Variants in UBE2E2 observed in about 807,000 individuals in gnomAD.
UBE2E2 encodes ubiquitin-conjugating enzyme E2 E2.
UBE2E2 carries 6 observed loss-of-function variants against 24.7 expected under a neutral mutation model. The ratio of observed to expected loss-of-function variants is 0.24; its 90% CI spans 0.13 to 0.48. UBE2E2 has a LOEUF of 0.48. Ranked by LOEUF, UBE2E2 falls within the 20% of genes least tolerant of loss-of-function variation. The probability of loss-of-function intolerance (pLI) is 0.99; values close to 1 mark genes in which losing one functional copy is unlikely to be tolerated. For missense variants in UBE2E2, 169 were observed against 245.0 expected (o/e 0.69, Z 2.07); for synonymous variants, 104 against 83.6 (o/e 1.24, Z -1.33).
intron 5 of UBE2E2, among the ~76,000 whole-genome samples, chr3:23,534,629 A>G (rs1282859695): frequency 1.3e-5 from 2 of 152,174 alleles, no homozygotes; most frequent in Non-Finnish European, 2.9e-5. Flanking sequence ...AATCTTAAAT[A>G]GAGTTGTTTA....
chr3:23,581,463 A>G (rs949432004), intron 5 of UBE2E2, among the ~76,000 whole-genome samples: 2 of 152,210 alleles, frequency 1.3e-5, no homozygotes, highest in African/African-American at 4.8e-5. Context: ...TATATTCTTA[A>G]AAGATGCACA....
intron 3 of UBE2E2, among the ~76,000 whole-genome samples, chr3:23,254,267 A>G (rs1697655431): frequency 6.6e-6 from 1 of 152,236 alleles, no homozygotes; most frequent in African/African-American, 2.4e-5. Flanking sequence ...ATCACACTTT[A>G]TTAAATATGC....
chr3:23,257,779 T>C (rs187222669), intron 3 of UBE2E2, among the ~76,000 whole-genome samples: 22 of 152,134 alleles, frequency 1.4e-4, no homozygotes, highest in Admixed American at 3.9e-4. Flanking sequence ...AAAATAGTAT[T>C]TTGTGGGAAA....
Position 23,489,028 on chromosome 3 carries a change from G to GT in UBE2E2, c.228-10573dup, listed in dbSNP as rs551912988. ...GTTTATCATAATGGTTACCTTTCTGGTTTTTTTACTTCAGTCTTCGTATCT... is the reference window on the plus strand; with the variant it reads ...GTTTATCATAATGGTTACCTTTCTGGTTTTTTTTACTTCAGTCTTCGTATCT... On this transcript the variant is annotated intron_variant, in intron 3 of 5. Transcript: ENST00000396703. Among the ~76,000 whole-genome samples the GT allele has an allele frequency of 5.9e-5, 9 of 152,130 alleles. No individual in the cohort carries two copies. The East Asian group carries it at 1.2e-3, about 20-fold the overall frequency.
intron 5 of UBE2E2, among the ~76,000 whole-genome samples, chr3:23,580,395 C>T (rs1315811793): frequency 6.6e-6 from 1 of 152,220 alleles, no homozygotes; most frequent in Non-Finnish European, 1.5e-5. Context: ...AGGCAAGATC[C>T]TCCAACAGTA....
intron 3 of UBE2E2, among the ~76,000 whole-genome samples, chr3:23,383,667 G>A (rs1559368134): frequency 6.6e-6 from 1 of 151,846 alleles, no homozygotes; most frequent in Non-Finnish European, 1.5e-5. Flanking sequence ...CAAGTGTTGG[G>A]GTGTAACTTG....
chr3:23,231,566 G>A (rs956645248), intron 3 of UBE2E2, among the ~76,000 whole-genome samples: 2 of 152,154 alleles, frequency 1.3e-5, no homozygotes, highest in East Asian at 1.9e-4. Context: ...AAATCATCAA[G>A]CAATTGAATC....
chr3:23,464,918 T>C (rs7645478), intron 3 of UBE2E2, among the ~76,000 whole-genome samples: 1,953 of 152,330 alleles, frequency 0.013, 31 homozygotes, highest in African/African-American at 0.044. Context: ...AAATTAGCAA[T>C]GTAGAAGACT....
intron 3 of UBE2E2, among the ~76,000 whole-genome samples, chr3:23,355,638 C>A (rs746545016): frequency 2.0e-5 from 3 of 152,038 alleles, no homozygotes; most frequent in African/African-American, 7.2e-5. Context: ...TTGTTTCATG[C>A]CCTGGATTGT....
At chr3:23,531,388 A>G (rs1296940179) in intron 4 of UBE2E2, among the ~76,000 whole-genome samples, 1 of 152,220 alleles carries the variant, frequency 6.6e-6, no homozygotes, top group Non-Finnish European at 1.5e-5. Context: ...TAATATTCAC[A>G]TCTTATTGCC....
intron 3 of UBE2E2, among the ~76,000 whole-genome samples, chr3:23,340,172 A>T (rs1253235399): frequency 6.6e-6 from 1 of 152,122 alleles, no homozygotes; most frequent in Non-Finnish European, 1.5e-5. Context: ...GTAATGAATA[A>T]AAGATGTATA....
chr3:23,577,783 T>C (rs987379686), intron 5 of UBE2E2, among the ~76,000 whole-genome samples: 2 of 152,152 alleles, frequency 1.3e-5, no homozygotes, highest in Non-Finnish European at 2.9e-5. Context: ...GCTACACAGC[T>C]TTAAAGGACA....
chr3:23,354,042 T>C (rs559035821), intron 3 of UBE2E2, among the ~76,000 whole-genome samples: 4 of 152,134 alleles, frequency 2.6e-5, no homozygotes, highest in African/African-American at 9.7e-5. Flanking sequence ...AACAGAGATA[T>C]AGATCAGCGG....
chr3:23,225,242 AT>A (rs35016740), intron 3 of UBE2E2, among the ~76,000 whole-genome samples: 41,867 of 147,740 alleles, frequency 0.28, 6,119 homozygotes, highest in Non-Finnish European at 0.33. Flanking sequence ...CATTCTGTGG[AT>A]TTTTTTTTTT....
intron 5 of UBE2E2, chr3:23,534,305 A>G (rs1039347773): frequency 3.2e-6 from 3 of 936,750 alleles, no homozygotes; most frequent in African/African-American, 3.6e-5. Context: ...TCAGCAATCA[A>G]AAAGACTTCT....
chr3:23,325,788 A>T (rs1694874166), intron 3 of UBE2E2, among the ~76,000 whole-genome samples: 1 of 152,218 alleles, frequency 6.6e-6, no homozygotes, highest in Non-Finnish European at 1.5e-5. Context: ...AGTAGAGGAG[A>T]GACCATTATA....
chr3:23,377,348 G>T (rs1436987430), intron 3 of UBE2E2, among the ~76,000 whole-genome samples: 1 of 152,210 alleles, frequency 6.6e-6, no homozygotes, highest in Non-Finnish European at 1.5e-5. Context: ...TTGGCTCACT[G>T]TAATAGTAAT....
In UBE2E2 at chr3:23,338,802, G is replaced by A. The variant is rs550539853; in HGVS notation, c.227+121490G>A. ...GATATAATTAAGTAAATTCAAACGGGAGAAAGGAACACACTTTCTTGCCAT... is the reference window on the plus strand; with the variant it reads ...GATATAATTAAGTAAATTCAAACGGAAGAAAGGAACACACTTTCTTGCCAT... On this transcript the variant is annotated intron_variant, in intron 3 of 5. Coordinates refer to ENST00000396703, the MANE Select transcript of UBE2E2 (RefSeq NM_152653.4). Among the ~76,000 whole-genome samples, 19 of 152,258 alleles carry A rather than the reference G, an allele frequency of 1.2e-4. No homozygotes were observed. The South Asian group carries it at 3.7e-3, about 30-fold the overall frequency.
chr3:23,458,325 G>A (rs1698725895), intron 3 of UBE2E2, among the ~76,000 whole-genome samples: 1 of 145,274 alleles, frequency 6.9e-6, no homozygotes, highest in Admixed American at 6.9e-5. Flanking sequence ...TCTTCTATGG[G>A]TGTGGTTCAT....
Sources: allele counts gnomAD v4.1 joint callset (sites outside exome capture counted in the v4.1 genomes callset), GRCh38; gene constraint gnomAD v4.1.1; transcripts MANE v1.5; gene names NCBI Gene and HGNC (gene_info 2026-07-23, HGNC 2026-07-21).